Variants in SMC5 observed in about 807,000 individuals in gnomAD.
SMC5 encodes structural maintenance of chromosomes protein 5.
Under a neutral mutation model 148.3 loss-of-function variants are expected in SMC5, and 88 were observed. The observed-to-expected ratio is 0.59, with a 90% CI of 0.50 to 0.71. The LOEUF (loss-of-function observed/expected upper bound fraction) is 0.71, where lower values mean the gene tolerates loss of function less well. Among genes scored for constraint, SMC5 ranks in the 30% least tolerant of loss-of-function variants. The pLI is 0.00. For synonymous variants in SMC5, 421 were observed against 432.8 expected (o/e 0.97, Z 0.34); for missense variants, 1,142 against 1,298.9 (o/e 0.88, Z 1.86).
intron 3 of SMC5, among the ~76,000 whole-genome samples, chr9:70,272,340 C>G (rs1437442077): frequency 6.6e-6 from 1 of 152,088 alleles, no homozygotes; most frequent in East Asian, 1.9e-4. Context: ...AATGTGCATC[C>G]CAGTTTCAGA....
chr9:70,266,528 G>T (rs2034296542), intron 2 of SMC5, among the ~76,000 whole-genome samples: 1 of 152,060 alleles, frequency 6.6e-6, no homozygotes, highest in Non-Finnish European at 1.5e-5. Flanking sequence ...GACTGAATTG[G>T]CTATAACAAT....
chr9:70,337,448 TTG>T (rs1176552724), intron 17 of SMC5, among the ~76,000 whole-genome samples: 327 of 67,462 alleles, frequency 4.8e-3, no homozygotes, highest in African/African-American at 0.011. Flanking sequence ...GTTTTGGGAT[TTG>T]TTTTTTTTTT....
At chr9:70,341,304 A>G (rs138267215) in intron 17 of SMC5, among the ~76,000 whole-genome samples, 1 of 152,348 alleles carries the variant, frequency 6.6e-6, no homozygotes, top group African/African-American at 2.4e-5. Flanking sequence ...GCTTCAAATT[A>G]TCAACTCATT....
chr9:70,282,243 C>G (rs2034770582), intron 6 of SMC5, among the ~76,000 whole-genome samples, 179 bp from the exon 7 acceptor site: 1 of 152,108 alleles, frequency 6.6e-6, no homozygotes, highest in African/African-American at 2.4e-5. Flanking sequence ...GTTATTAAAT[C>G]ATTACACTGG....
At chr9:70,288,469 A>C (rs1256426550) in intron 8 of SMC5, among the ~76,000 whole-genome samples, 2 of 151,830 alleles carry the variant, frequency 1.3e-5, no homozygotes, top group East Asian at 3.9e-4. Flanking sequence ...TTTTTTGTTG[A>C]CTATTTAATA....
chr9:70,266,948 G>A (rs2034306719), intron 2 of SMC5, among the ~76,000 whole-genome samples: 1 of 151,988 alleles, frequency 6.6e-6, no homozygotes, highest in African/African-American at 2.4e-5. Context: ...TGTATGTGGT[G>A]GAGTTGAGAT....
intron 8 of SMC5, among the ~76,000 whole-genome samples, chr9:70,293,332 C>T (rs1458615254): frequency 1.3e-5 from 2 of 149,478 alleles, no homozygotes; most frequent in African/African-American, 2.5e-5. Context: ...AATTCCCCCT[C>T]TCCCCCACCC....
Position 70,352,303 on chromosome 9 carries a change from G to A in SMC5, c.3278G>A (p.Arg1093His), listed in dbSNP as rs201772265. The change falls in exon 25 of 25, where the codon CGC (arginine) becomes CAC (histidine). Residue 1093 changes from arginine (R) to histidine (H), a missense_variant. Transcript: ENST00000361138. ...TTAAAGGCTTTCCAAAGGCGGCGGC[G>A]CCGTATTACATTCACTCAACCTTCT... Reference protein sequence around the residue: ...WNLKAFQRRRRRITFTQPS With the variant: ...WNLKAFQRRRHRITFTQPS 7.0e-5 allele frequency: 112 copies of A among 1,610,568 alleles called. 2 individuals are homozygous for A. The East Asian group carries it at 1.7e-3, about 24-fold the overall frequency.
At chr9:70,294,030 A>C (rs969849511) in intron 8 of SMC5, among the ~76,000 whole-genome samples, 1 of 152,120 alleles carries the variant, frequency 6.6e-6, no homozygotes, top group Non-Finnish European at 1.5e-5. Flanking sequence ...TGGAGGGGTT[A>C]GATTTAGGTA....
intron 15 of SMC5, among the ~76,000 whole-genome samples, chr9:70,319,731 G>A (rs188729980): frequency 1.4e-4 from 21 of 152,232 alleles, no homozygotes; most frequent in African/African-American, 5.1e-4. Flanking sequence ...TTTAGATGGC[G>A]CTTTTACTTG....
chr9:70,303,442 C>G (rs2118450769), intron 10 of SMC5, among the ~76,000 whole-genome samples: 1 of 152,186 alleles, frequency 6.6e-6, no homozygotes, highest in African/African-American at 2.4e-5. Context: ...TTTAGTACCT[C>G]CCCCCTCAAA....
rs372120847 is a variant in SMC5, at chr9:70,300,117, C to T, written c.1381C>T (p.Arg461Cys). 18 of 1,602,764 alleles carry T rather than the reference C, an allele frequency of 1.1e-5. No individual in the cohort carries two copies. The East Asian group carries it at 1.6e-4, about 14-fold the overall frequency. The stretch of plus-strand genomic sequence containing the variant: ...GGAAGATAAGCTAAGACAGAGATTC[C>T]GTGACACGTATGATGCTGTTTTATG... ...QKEDKLRQRF[R>C]DTYDAVLWLR... is the part of the protein sequence containing the mutation. The change falls in exon 10 of 25, where the codon CGT becomes TGT. Residue 461 changes from arginine to cysteine, a missense_variant. This residue lies in a region of SMC5 where 743 missense variants were observed against 835.7 expected (regional missense o/e 0.89). Coordinates refer to ENST00000361138, the MANE Select transcript of SMC5 (RefSeq NM_015110.4).
In SMC5 at chr9:70,318,665, G is replaced by C. The variant is rs745564759; in HGVS notation, c.1958G>C (p.Arg653Thr). ...LTVTVDLEQR[R>T]HLEEQLKEIH... ...GTCACTGTGGACCTAGAGCAGAGAA[G>C]ACACTTAGAAGAACAGCTAAAGGTT... The change falls in exon 14 of 25, where the codon AGA (arginine) becomes ACA (threonine). Residue 653 changes from arginine to threonine, a missense_variant. Arg to Thr is a moderately conservative substitution (Grantham distance 71). This residue lies in a region of SMC5 where 743 missense variants were observed against 835.7 expected (regional missense o/e 0.89). Transcript: ENST00000361138. 6.2e-7 allele frequency: 1 copy of C among 1,604,124 alleles called. No homozygotes were observed. The highest frequency in any genetic ancestry group is 1.7e-5 in the Admixed American group (1 of 58,436).
chr9:70,259,191 A>C lies in SMC5; in HGVS notation c.113A>C (p.Gln38Pro), dbSNP rs762133367. Residue 38 changes from glutamine (Q) to proline (P), a missense_variant, in exon 1 of 25, where the codon CAG becomes CCG. Gln to Pro is a moderately conservative substitution (Grantham distance 76). Around this residue, in one of 5 missense-constraint regions of SMC5, gnomAD observed 297 missense variants for 302.6 expected, o/e 0.98. Coordinates refer to ENST00000361138, the MANE Select transcript of SMC5 (RefSeq NM_015110.4). ...VPSKRKNSAP[Q>P]LPLLQSSGPF... is the part of the protein sequence containing the mutation. ...AGCAAGAGGAAGAATTCGGCCCCGC[A>C]GCTGCCGCTGTTGCAGTCGTCCGGG... is the stretch of plus-strand genomic sequence containing the variant. The C allele has an allele frequency of 1.8e-5, 29 of 1,608,928 alleles. No individual in the cohort carries two copies. The highest frequency in any genetic ancestry group is 2.2e-5 in the Non-Finnish European group (26 of 1,177,716).
At chr9:70,326,560 T>C (rs897037641) in intron 17 of SMC5, among the ~76,000 whole-genome samples, 3 of 152,028 alleles carry the variant, frequency 2.0e-5, no homozygotes, top group Admixed American at 6.5e-5. Flanking sequence ...TGACTTTATG[T>C]TGGCTTATTT....
intron 11 of SMC5, among the ~76,000 whole-genome samples, chr9:70,308,561 C>T (rs915401723): frequency 7.8e-6 from 1 of 128,382 alleles, no homozygotes; most frequent in Non-Finnish European, 1.6e-5. Context: ...CGCCACTGCA[C>T]TCCAGCCTGG....
intron 22 of SMC5, among the ~76,000 whole-genome samples, chr9:70,348,591 T>C (rs2036727437): frequency 6.6e-6 from 1 of 151,754 alleles, no homozygotes; most frequent in Admixed American, 6.6e-5. Flanking sequence ...CTCTGGAGGC[T>C]GAGGTGCAAG....
chr9:70,278,396 G>T, intron 4 of SMC5, 95 bp from the exon 5 acceptor site: 1 of 1,234,922 alleles, frequency 8.1e-7, no homozygotes, highest in African/African-American at 1.6e-5. Context: ...TTTTTAATGA[G>T]TTTCACCTTG....
In SMC5 at chr9:70,352,341, A is replaced by G; in HGVS notation, c.*10A>G. On this transcript the variant is annotated 3_prime_UTR_variant, in exon 25 of 25. Coordinates refer to ENST00000361138, the MANE Select transcript of SMC5 (RefSeq NM_015110.4). The stretch of plus-strand genomic sequence containing the variant: ...CACTCAACCTTCTTAATAAAAGTAA[A>G]GAGAGGGAACTTGGGAATTTTTTTT... The G allele has an allele frequency of 6.3e-7, 1 of 1,579,762 alleles. No individual in the cohort carries two copies. Among genetic ancestry groups the G allele is most frequent in the Non-Finnish European group, 8.6e-7 (1 of 1,166,740 alleles).
Sources: gnomAD v4.1 joint callset for allele counts (sites outside exome capture counted in the v4.1 genomes callset) on GRCh38, gnomAD v4.1.1 for gene constraint, gnomAD v4.1.1 regional missense constraint, MANE v1.5 for transcripts, NCBI Gene and HGNC (gene_info 2026-07-23, HGNC 2026-07-21) for gene names.